The following SLC36A1 variants were observed in gnomAD, a reference collection of about 807,000 sequenced individuals.
The protein encoded by SLC36A1 is proton-coupled amino acid transporter 1.
In SLC36A1, 30 loss-of-function variants were observed where a neutral mutation model predicts 47.5. The ratio of observed to expected loss-of-function variants is 0.63; its 90% confidence interval spans 0.47 to 0.86. SLC36A1 has a LOEUF of 0.86. Ranked by LOEUF, SLC36A1 falls within the 40% of genes least tolerant of loss-of-function variation. SLC36A1 has a pLI of 0.00. For missense variants in SLC36A1, 517 were observed against 606.0 expected, an observed-to-expected ratio of 0.85 and a Z score of 1.54; for synonymous variants, 255 against 249.7, an observed-to-expected ratio of 1.02 and a Z score of -0.20.
chr5:151,485,827 C>T (rs1759439825), intron 10 of SLC36A1, among the ~76,000 whole-genome samples: 1 of 152,204 alleles, frequency 6.6e-6, no homozygotes, highest in Non-Finnish European at 1.5e-5. Context: ...TGTGTGCTGT[C>T]CATTGCAGCA....
the SLC36A1 span, among the ~76,000 whole-genome samples, chr5:151,547,343 A>T: frequency 2.0e-5 from 3 of 152,336 alleles, no homozygotes; most frequent in South Asian, 4.1e-4. Flanking sequence ...TCTTCATTCT[A>T]TCAGGGAGCT....
the SLC36A1 span, among the ~76,000 whole-genome samples, chr5:151,344,742 A>T: frequency 1.3e-5 from 2 of 152,204 alleles, no homozygotes; most frequent in Admixed American, 6.5e-5. Context: ...AGCGTAAGTA[A>T]AGAAACAACC....
chr5:151,554,733 T>G, the SLC36A1 span: 3 of 1,310,078 alleles, frequency 2.3e-6, no homozygotes, highest in Admixed American at 5.7e-5. Context: ...TGACTATGCT[T>G]TAACAACCTG....
intron 10 of SLC36A1, 60 bp from the exon 11 acceptor site, chr5:151,487,923 G>A (rs1759778747): frequency 5.7e-6 from 9 of 1,588,516 alleles, no homozygotes; most frequent in Non-Finnish European, 7.7e-6. Flanking sequence ...CTCAACAGTA[G>A]GGAGACAGAC....
the SLC36A1 span, chr5:151,529,097 A>G: frequency 8.3e-7 from 1 of 1,205,972 alleles, no homozygotes; most frequent in Non-Finnish European, 1.2e-6. Context: ...ATCCATGCTC[A>G]TAGATGGCTG....
the SLC36A1 span, chr5:151,531,725 C>T: frequency 6.2e-6 from 10 of 1,613,800 alleles, no homozygotes; most frequent in Non-Finnish European, 8.5e-6. The surrounding 1 kb of genome is among the most constrained non-coding windows in gnomAD (Gnocchi z 5.7). Context: ...GGCACCTGCA[C>T]GCTGTGCTCG....
the SLC36A1 span, among the ~76,000 whole-genome samples, chr5:151,516,372 T>C: frequency 8.1e-3 from 1,232 of 152,104 alleles, 29 homozygotes; most frequent in African/African-American, 0.029. Context: ...AAAAAATTAG[T>C]GAGCGTGGTT....
chr5:151,404,569 A>G, the SLC36A1 span, among the ~76,000 whole-genome samples: 5 of 152,284 alleles, frequency 3.3e-5, no homozygotes, highest in South Asian at 1.0e-3. Context: ...TTCCATGTTT[A>G]GAACTCCCTT....
the SLC36A1 span, chr5:151,521,696 T>C: frequency 3.1e-6 from 5 of 1,613,912 alleles, no homozygotes; most frequent in Admixed American, 1.7e-5. Flanking sequence ...TAGAAGCCCA[T>C]CCACATGGCC....
chr5:151,383,406 G>A, the SLC36A1 span, among the ~76,000 whole-genome samples: 1 of 152,004 alleles, frequency 6.6e-6, no homozygotes, highest in Non-Finnish European at 1.5e-5. Flanking sequence ...AGCTTATGAT[G>A]TTCACATTTG....
intron 7 of SLC36A1, among the ~76,000 whole-genome samples, chr5:151,473,259 T>TA (rs751281374): frequency 2.6e-5 from 4 of 152,236 alleles, no homozygotes; most frequent in Non-Finnish European, 5.9e-5. Context: ...GGTATGTTGT[T>TA]AATTACTTAA....
At chr5:151,519,301 G>C in the SLC36A1 span, among the ~76,000 whole-genome samples, 1 of 152,220 alleles carries the variant, frequency 6.6e-6, no homozygotes, top group Non-Finnish European at 1.5e-5. Context: ...CCAAGATCGT[G>C]CCACTGCACT....
intron 10 of SLC36A1, among the ~76,000 whole-genome samples, chr5:151,485,855 G>C (rs1329837067): frequency 1.3e-5 from 2 of 152,208 alleles, no homozygotes; most frequent in African/African-American, 2.4e-5. Context: ...GGCACCAGTG[G>C]TTGTTGAGCC....
intron 2 of SLC36A1, 35 bp from the exon 3 acceptor site, chr5:151,463,518 A>G (rs770726997): frequency 3.4e-6 from 5 of 1,472,348 alleles, no homozygotes; most frequent in South Asian, 2.3e-5. Flanking sequence ...GTTAACTGTC[A>G]TGGTTATCAT....
the SLC36A1 span, among the ~76,000 whole-genome samples, chr5:151,538,393 T>G: frequency 6.6e-6 from 1 of 152,178 alleles, no homozygotes; most frequent in Non-Finnish European, 1.5e-5. Flanking sequence ...GGCGAGGCCA[T>G]GCTATTAAGC....
At chr5:151,438,238 T>A (rs934238975) in intron 1 of SLC36A1, among the ~76,000 whole-genome samples, 3 of 152,234 alleles carry the variant, frequency 2.0e-5, no homozygotes, top group Admixed American at 6.5e-5. Flanking sequence ...GGTGAAATGT[T>A]AACACAGCCT....
the SLC36A1 span, chr5:151,546,220 C>A: frequency 6.6e-5 from 107 of 1,614,110 alleles, no homozygotes; most frequent in Admixed American, 6.7e-5. Flanking sequence ...TTGTGGGGAG[C>A]CTTGATCTTC....
chr5:151,515,953 T>TA, the SLC36A1 span, among the ~76,000 whole-genome samples: 1 of 152,218 alleles, frequency 6.6e-6, no homozygotes, highest in African/African-American at 2.4e-5. Context: ...CCTTCATAGA[T>TA]ATGCCCCATC....
the SLC36A1 span, among the ~76,000 whole-genome samples, chr5:151,399,084 A>ATATT: frequency 1.0e-4 from 6 of 60,066 alleles, no homozygotes; most frequent in African/African-American, 3.4e-4. Context: ...ATATATATAT[A>ATATT]TTTTTTTTTT....
Sources: gnomAD v4.1 joint callset for allele counts (sites outside exome capture counted in the v4.1 genomes callset) on GRCh38, gnomAD v4.1.1 for gene constraint, Gnocchi (gnomAD v3.1) non-coding constraint, MANE v1.5 for transcripts, NCBI Gene and HGNC (gene_info 2026-07-23, HGNC 2026-07-21) for gene names.